Variants in MAP3K7CL observed in about 807,000 individuals in gnomAD.
MAP3K7CL encodes MAP3K7 C-terminal-like protein.
A neutral mutation model predicts 18.6 loss-of-function variants in MAP3K7CL; 16 were observed. The observed-to-expected ratio is 0.86, with a 90% CI of 0.58 to 1.31. The LOEUF (loss-of-function observed/expected upper bound fraction) is 1.31, where lower values mean the gene tolerates loss of function less well. Among genes scored for constraint, MAP3K7CL ranks in the 50% most tolerant of loss-of-function variants. The probability of loss-of-function intolerance (pLI) is 0.00; values close to 1 mark genes in which losing one functional copy is unlikely to be tolerated. For missense variants in MAP3K7CL, 163 were observed against 174.4 expected (o/e 0.93, Z 0.37); for synonymous variants, 65 against 66.8 (o/e 0.97, Z 0.13).
chr21:29,092,499 C>T, exon 4 of MAP3K7CL: 1 of 1,614,208 alleles, frequency 6.2e-7, no homozygotes, highest in Non-Finnish European at 8.5e-7. Flanking sequence ...CAAAGGTCAG[C>T]AAGTTGGCTA....
At position 29,130,664 on chromosome 21, in the gene MAP3K7CL, A is replaced by G. The variant is rs995778240; in HGVS notation, c.-299A>G. The G allele has an allele frequency of 7.1e-6, 7 of 985,446 alleles. No individual in the cohort carries two copies. The highest frequency in any genetic ancestry group is 8.4e-6 in the Non-Finnish European group (7 of 829,956). 61.0% of individuals were successfully genotyped at this position (985,446 alleles called of 1,614,324 possible). ...AAGATGACAACATCCTGGCTGTTAG[A>G]GAGGCAAGGAAAGGAGAGAGGGGTT... On this transcript the variant is annotated 5_prime_UTR_variant, in exon 1 of 5. Transcript: ENST00000399928.
chr21:29,152,803 C>T (rs2087308204), intron 3 of MAP3K7CL, among the ~76,000 whole-genome samples: 1 of 152,208 alleles, frequency 6.6e-6, no homozygotes, highest in Admixed American at 6.5e-5. Flanking sequence ...AATACATTTA[C>T]TATTCCCTTC....
intron 4 of MAP3K7CL, among the ~76,000 whole-genome samples, chr21:29,119,430 T>A (rs1197640281): frequency 6.6e-6 from 1 of 152,182 alleles, no homozygotes; most frequent in East Asian, 1.9e-4. Context: ...CCATTTCCTA[T>A]TCCTAATGGA....
chr21:29,155,916 A>G (rs903507959), intron 3 of MAP3K7CL, among the ~76,000 whole-genome samples: 1 of 152,216 alleles, frequency 6.6e-6, no homozygotes, highest in Non-Finnish European at 1.5e-5. Flanking sequence ...GCTGCGTTGT[A>G]TAGTAAACCA....
intron 4 of MAP3K7CL, among the ~76,000 whole-genome samples, chr21:29,167,963 G>C (rs530310181): frequency 6.6e-6 from 1 of 152,108 alleles, no homozygotes; most frequent in Non-Finnish European, 1.5e-5. Context: ...CTCCCAAAGT[G>C]CTGGGATTAC....
intron 3 of MAP3K7CL, chr21:29,092,348 C>T: frequency 6.7e-7 from 1 of 1,499,654 alleles, no homozygotes; most frequent in Non-Finnish European, 9.2e-7. Context: ...GTTTCAATTT[C>T]TTCTCAGGGA....
At chr21:29,166,533 C>A (rs1486278167) in intron 4 of MAP3K7CL, among the ~76,000 whole-genome samples, 1 of 152,208 alleles carries the variant, frequency 6.6e-6, no homozygotes, top group Non-Finnish European at 1.5e-5. Context: ...AGAAATAAAT[C>A]TGGCACTCTT....
At chr21:29,077,331 A>G (rs1293392430), upstream of MAP3K7CL, 1 of 153,230 alleles carries the variant, frequency 6.5e-6, no homozygotes, top group Non-Finnish European at 1.5e-5. Context: ...GCCAGGCGAG[A>G]AATTGAGCAC....
chr21:29,094,945 G>A (rs1405795694), intron 4 of MAP3K7CL, among the ~76,000 whole-genome samples: 2 of 152,092 alleles, frequency 1.3e-5, no homozygotes, highest in African/African-American at 4.8e-5. Context: ...TGCAGTCCCA[G>A]CTACTTGGAG....
rs547886968 is a variant in MAP3K7CL at position 29,162,841 on chromosome 21, C to T, written c.248+2785C>T. ...AAAAAAGGGGCCAGGCGCAGAGGCT[C>T]ACACCTGTAATCCCAGCACTTTGGG... is the stretch of plus-strand genomic sequence containing the variant. On this transcript the variant is annotated intron_variant, in intron 4 of 4. Transcript: ENST00000399928. 2.8e-4 allele frequency among the ~76,000 whole-genome samples: 42 copies of T among 152,140 alleles called. 1 individual carries two copies. The highest frequency in any genetic ancestry group is 1.9e-3 in the Admixed American group (29 of 15,276).
intron 2 of MAP3K7CL, among the ~76,000 whole-genome samples, chr21:29,138,721 C>T (rs1455754173): frequency 1.3e-5 from 2 of 152,118 alleles, no homozygotes; most frequent in Admixed American, 6.5e-5. Context: ...GTGGCTCATA[C>T]CTATAATCCC....
intron 4 of MAP3K7CL, among the ~76,000 whole-genome samples, chr21:29,114,722 A>G (rs2086476777): frequency 6.6e-6 from 1 of 152,210 alleles, no homozygotes. Context: ...CAGAGTATAG[A>G]TGGAAACCTA....
intron 1 of MAP3K7CL, among the ~76,000 whole-genome samples, chr21:29,087,644 A>C (rs2085949228): frequency 7.2e-6 from 1 of 138,352 alleles, no homozygotes; most frequent in South Asian, 2.2e-4. Context: ...CCCAGGCTGA[A>C]GTGCAGCGGC....
At chr21:29,124,140 G>C (rs1363990918) in intron 4 of MAP3K7CL, among the ~76,000 whole-genome samples, 9 of 151,898 alleles carry the variant, frequency 5.9e-5, no homozygotes, top group Admixed American at 3.9e-4. Flanking sequence ...GGATCATGAG[G>C]TCAGGAGTTC....
intron 4 of MAP3K7CL, among the ~76,000 whole-genome samples, chr21:29,174,102 G>T (rs1320789882): frequency 6.6e-6 from 1 of 152,146 alleles, no homozygotes; most frequent in Non-Finnish European, 1.5e-5. Flanking sequence ...TCCTACAGTA[G>T]CTTCAGCCTG....
upstream of MAP3K7CL, chr21:29,085,096 A>T (rs1157230027): frequency 6.6e-6 from 1 of 152,178 alleles, no homozygotes; most frequent in African/African-American, 2.4e-5. Context: ...TTAAGCCCTT[A>T]CCGGGGTCCT....
chr21:29,150,963 T>A (rs372814269), intron 3 of MAP3K7CL, among the ~76,000 whole-genome samples: 2 of 150,790 alleles, frequency 1.3e-5, no homozygotes, highest in African/African-American at 4.9e-5. Flanking sequence ...AGAGACGGGG[T>A]TTTGCCATGT....
chr21:29,154,548 A>T (rs773295833), intron 3 of MAP3K7CL, among the ~76,000 whole-genome samples: 4 of 152,090 alleles, frequency 2.6e-5, no homozygotes, highest in Non-Finnish European at 5.9e-5. Context: ...ACAAATAAAC[A>T]ATTTCGTAGC....
chr21:29,109,309 C>T, intron 4 of MAP3K7CL: 1 of 1,465,378 alleles, frequency 6.8e-7, no homozygotes, highest in Middle Eastern at 1.8e-4. Flanking sequence ...TTAATTAATG[C>T]CATGATCACT....
Sources: gnomAD v4.1 joint callset for allele counts (sites outside exome capture counted in the v4.1 genomes callset) on GRCh38, gnomAD v4.1.1 for gene constraint, MANE v1.5 for transcripts, NCBI Gene and HGNC (gene_info 2026-07-23, HGNC 2026-07-21) for gene names.